Variants in TRA2A observed in about 807,000 individuals in gnomAD.
The protein encoded by TRA2A is transformer-2 protein homolog alpha.
A neutral mutation model predicts 45.7 loss-of-function variants in TRA2A; 31 were observed. The observed-to-expected ratio is 0.68, with a 90% CI of 0.51 to 0.92. TRA2A has a LOEUF of 0.92. TRA2A is among the 40% of genes least tolerant of loss of function. TRA2A has a pLI of 0.00. For synonymous variants in TRA2A, 132 were observed against 126.2 expected (o/e 1.05, Z -0.31); for missense variants, 304 against 367.5 (o/e 0.83, Z 1.41).
intron 3 of TRA2A, among the ~76,000 whole-genome samples, chr7:23,515,652 T>G (rs1054256192): frequency 6.6e-6 from 1 of 151,950 alleles, no homozygotes; most frequent in African/African-American, 2.4e-5. Context: ...TTCAAGGGAT[T>G]CTCCAGCCTC....
chr7:23,523,620 CA>C (rs1247096616), intron 1 of TRA2A, among the ~76,000 whole-genome samples: 1 of 152,136 alleles, frequency 6.6e-6, no homozygotes, highest in Non-Finnish European at 1.5e-5. Flanking sequence ...CAGATAAAAA[CA>C]AAACTGAAAT....
At position 23,513,211 on chromosome 7, in the gene TRA2A, A is replaced by G. The variant is rs1186595866; in HGVS notation, c.337-129T>C. ...TTGTTTCTAATAATTTGGAGATAAG[A>G]TTTTAAGAGAACTAGAGCAGATGAG... On this transcript the variant is annotated intron_variant, in intron 3 of 7. Transcript: ENST00000297071. The G allele has an allele frequency of 4.3e-6, 3 of 701,294 alleles. No individual in the cohort carries two copies. In the Admixed American group the frequency reaches 9.7e-5, roughly 23 times the overall value. The allele number at this position is 701,294 out of a possible 1,614,324, so 43.4% of individuals were successfully genotyped here. A position where few individuals can be genotyped will look rare whatever the true frequency, so the allele number is the denominator to read the frequency against.
intron 2 of TRA2A, 69 bp downstream of exon 2, chr7:23,521,638 C>A: frequency 2.6e-6 from 4 of 1,546,448 alleles, no homozygotes; most frequent in Non-Finnish European, 3.5e-6. Context: ...ACACAAAATG[C>A]AGCCAACAAC....
chr7:23,513,132 A>G (rs1789701874), intron 3 of TRA2A, 50 bp from the exon 4 acceptor site: 1 of 1,327,080 alleles, frequency 7.5e-7, no homozygotes, highest in South Asian at 1.4e-5. Context: ...TCAAAATCAA[A>G]GAAACACAGA....
In TRA2A at chr7:23,506,233, A is replaced by ACCG. The variant is rs1562784440; in HGVS notation, c.672_674dup (p.Gly231dup). 7 of 1,607,302 alleles carry ACCG rather than the reference A, an allele frequency of 4.4e-6. No individual in the cohort carries two copies. In the South Asian group the frequency reaches 5.5e-5, roughly 13 times the overall value. ...GACGTCTGCCACCACCTCCACCTCC[A>ACCG]CCGCCGCCGCCTCCTCCACCACCCC... On this transcript the variant is annotated inframe_insertion, in exon 6 of 8. Coordinates refer to ENST00000297071, the MANE Select transcript of TRA2A (RefSeq NM_013293.5).
rs1400781746 is a variant in TRA2A at position 23,516,445 on chromosome 7, C to T, written c.254G>A (p.Arg85Lys). The T allele has an allele frequency of 6.2e-7, 1 of 1,614,094 alleles. No homozygotes were observed. Among genetic ancestry groups the T allele is most frequent in the Non-Finnish European group, 8.5e-7 (1 of 1,180,052 alleles). Residue 85 changes from arginine to lysine, a missense_variant, in exon 3 of 8, where the codon AGA becomes AAA. Coordinates refer to ENST00000297071, the MANE Select transcript of TRA2A (RefSeq NM_013293.5). ...CCGCCGGTATTCTGGTGTATATGAT[C>T]TACTTCGAGATCGTCTCCTATGAGA... ...SHSHRRRSRS[R>K]SYTPEYRRRR...
intron 4 of TRA2A, among the ~76,000 whole-genome samples, chr7:23,512,598 A>G (rs1423444209): frequency 1.3e-5 from 2 of 152,064 alleles, no homozygotes; most frequent in African/African-American, 4.8e-5. Context: ...AGCTGGGACT[A>G]CAAGCGCCGG....
chr7:23,527,866 C>T (rs1790402897), intron 1 of TRA2A, among the ~76,000 whole-genome samples: 1 of 152,136 alleles, frequency 6.6e-6, no homozygotes, highest in Non-Finnish European at 1.5e-5. Context: ...GATCAACATC[C>T]TTCAGTGAAA....
In TRA2A at chr7:23,504,998, GTT is replaced by G. The variant is rs1390458418; in HGVS notation, c.*559_*560del. On this transcript the variant is annotated 3_prime_UTR_variant, in exon 8 of 8. Transcript: ENST00000297071. ...CAACAACAAAAAAAATCACACTTTA[GTT>G]TTTAAGTTTTAACAGATGTATTTCA... 6.6e-6 allele frequency: 1 copy of G among 152,374 alleles called. No individual in the cohort carries two copies. Among genetic ancestry groups the G allele is most frequent in the Non-Finnish European group, 1.5e-5 (1 of 68,020 alleles). The allele number at this position is 152,374 out of a possible 1,614,324, so 9.4% of individuals were successfully genotyped here.
chr7:23,511,325 C>G (rs1373915806), intron 4 of TRA2A, among the ~76,000 whole-genome samples: 10 of 123,506 alleles, frequency 8.1e-5, no homozygotes, highest in African/African-American at 1.2e-4. Flanking sequence ...GAGCTGAGAT[C>G]GCGCCACTGC....
intron 4 of TRA2A, among the ~76,000 whole-genome samples, chr7:23,511,370 CAAAAAAAAAAAAAAAAAAAAAA>C (rs567187750): frequency 0.017 from 700 of 40,008 alleles, 1 homozygote; most frequent in African/African-American, 0.054. Context: ...GACTCCATCT[CAAAAAAAAAAAAAAAAAAAAAA>C]AAAAAAAAAA....
chr7:23,515,614 C>T (rs1051325337), intron 3 of TRA2A, among the ~76,000 whole-genome samples: 1 of 151,946 alleles, frequency 6.6e-6, no homozygotes, highest in Non-Finnish European at 1.5e-5. Context: ...GGCACAATCT[C>T]GGCTCACTGC....
In TRA2A at chr7:23,504,892, A is replaced by G. The variant is rs979559130; in HGVS notation, c.*667T>C. On this transcript the variant is annotated 3_prime_UTR_variant, in exon 8 of 8. Transcript: ENST00000297071. ...CACTGTCCCAATACCAAAATTTCTA[A>G]CAGCGAATTATACAACTGCTCTAGG... is the stretch of plus-strand genomic sequence containing the variant. 4 of 152,650 alleles carry G rather than the reference A, an allele frequency of 2.6e-5. No individual in the cohort carries two copies. The highest frequency in any genetic ancestry group is 9.6e-5 in the African/African-American group (4 of 41,464). The allele number at this position is 152,650 out of a possible 1,614,324, so 9.5% of individuals were successfully genotyped here.
rs5882904 is a variant in TRA2A, at chr7:23,505,585, C to CAAA, written c.839-19_839-17dup. On this transcript the variant is annotated splice_polypyrimidine_tract_variant and intron_variant, in intron 7 of 7. Transcript: ENST00000297071. ...CAATAGCGTCCTAAAAGAGAAAAAG[C>CAAA]AAAAAAAAAAAAAAAAAAAAAAAGT... 2,915 of 242,884 alleles carry CAAA rather than the reference C, an allele frequency of 0.012. 54 individuals are homozygous for CAAA. Among genetic ancestry groups the CAAA allele is most frequent in the African/African-American group, 0.041 (745 of 17,968 alleles). 15.0% of individuals were successfully genotyped at this position (242,884 alleles called of 1,614,324 possible).
rs1310506243 is a variant in TRA2A, at chr7:23,508,106, G to A, written c.526-571C>T. Among the ~76,000 whole-genome samples the A allele has an allele frequency of 2.6e-5, 4 of 152,028 alleles. No homozygotes were observed. In the East Asian group the frequency reaches 5.8e-4, roughly 22 times the overall value. The stretch of plus-strand genomic sequence containing the variant: ...TAGTACACTGATTAAGACTCAGTGA[G>A]CAGCCAAGAAGAAATGATATAAACA... On this transcript the variant is annotated intron_variant, in intron 4 of 7. Transcript: ENST00000297071.
chr7:23,528,053 TAAGA>T (rs370274643), intron 1 of TRA2A, among the ~76,000 whole-genome samples: 18 of 152,286 alleles, frequency 1.2e-4, no homozygotes, highest in Admixed American at 3.9e-4. Flanking sequence ...ATCCCTACTA[TAAGA>T]AAGAAAGCTT....
chr7:23,508,033 A>G (rs1335369911), intron 4 of TRA2A, among the ~76,000 whole-genome samples: 1 of 152,078 alleles, frequency 6.6e-6, no homozygotes, highest in Non-Finnish European at 1.5e-5. Context: ...AGCTTTATAC[A>G]TGTTCTTTTT....
chr7:23,515,308 C>T (rs372414740), intron 3 of TRA2A, among the ~76,000 whole-genome samples: 2 of 147,012 alleles, frequency 1.4e-5, no homozygotes, highest in African/African-American at 2.5e-5. Context: ...CGGCTCACTG[C>T]AAGCTCTGCC....
chr7:23,529,472 C>T (rs1790477801), intron 1 of TRA2A, among the ~76,000 whole-genome samples: 1 of 152,094 alleles, frequency 6.6e-6, no homozygotes, highest in African/African-American at 2.4e-5. Context: ...GTTGGGCAGG[C>T]TAGTCTCGAA....
Sources: allele counts gnomAD v4.1 joint callset (sites outside exome capture counted in the v4.1 genomes callset), GRCh38; gene constraint gnomAD v4.1.1; transcripts MANE v1.5; gene names NCBI Gene and HGNC (gene_info 2026-07-23, HGNC 2026-07-21).